Variants in KIF26B observed in about 807,000 individuals in gnomAD.
KIF26B encodes the protein kinesin-like protein KIF26B.
A neutral mutation model predicts 151.2 loss-of-function variants in KIF26B; 63 were observed. That is an observed-to-expected ratio of 0.42 (90% CI 0.34 to 0.51). KIF26B has a LOEUF of 0.51. Among genes scored for constraint, KIF26B ranks in the 20% least tolerant of loss-of-function variants. The pLI, the probability that KIF26B is intolerant of heterozygous loss-of-function variation, is 0.07. For missense variants in KIF26B, 2,813 were observed against 2,913.6 expected (o/e 0.97, Z 0.79); for synonymous variants, 1,357 against 1,262.1 (o/e 1.08, Z -1.59).
At chr1:245,639,786 G>T (rs1416721925) in intron 9 of KIF26B, among the ~76,000 whole-genome samples, 2 of 150,796 alleles carry the variant, frequency 1.3e-5, no homozygotes, top group African/African-American at 4.9e-5. Flanking sequence ...AACATTTCTT[G>T]TTATTTATAG....
intron 2 of KIF26B, among the ~76,000 whole-genome samples, chr1:245,325,643 A>G (rs1334712779): frequency 6.6e-6 from 1 of 152,030 alleles, no homozygotes; most frequent in East Asian, 1.9e-4. Flanking sequence ...CCCAGGAGGC[A>G]GAGGTTGCGG....
chr1:245,301,481 T>G (rs1359227763), intron 2 of KIF26B, among the ~76,000 whole-genome samples: 1 of 152,152 alleles, frequency 6.6e-6, no homozygotes, highest in African/African-American at 2.4e-5. Flanking sequence ...AGCCCGGCAG[T>G]GCATGAAAGT....
chr1:245,238,679 G>A (rs1256500700), intron 2 of KIF26B, among the ~76,000 whole-genome samples: 1 of 152,032 alleles, frequency 6.6e-6, no homozygotes, highest in Admixed American at 6.6e-5. Context: ...TGCCCAACAT[G>A]GCAAAACCCC....
At chr1:245,213,934 C>T (rs112983403) in intron 2 of KIF26B, among the ~76,000 whole-genome samples, 47 of 152,292 alleles carry the variant, frequency 3.1e-4, no homozygotes, top group African/African-American at 1.1e-3. Context: ...CTGTCCACAC[C>T]CCTTCCCATG....
intron 4 of KIF26B, among the ~76,000 whole-genome samples, chr1:245,484,208 T>A (rs902208608): frequency 2.0e-5 from 3 of 152,028 alleles, no homozygotes; most frequent in African/African-American, 2.4e-5. Flanking sequence ...GTGTTAATAA[T>A]GCTGGGTTAC....
rs140997802 is a variant in KIF26B, at chr1:245,527,351, C to A, written c.1167-13416C>A. On this transcript the variant is annotated intron_variant, in intron 4 of 14. Transcript: ENST00000407071. Reference sequence around the variant, plus strand: ...CCATGAGGAATGGACTTTAATTAGCCGGTGATTGTCTTTCTCTGTCTATAT... The same window carrying A: ...CCATGAGGAATGGACTTTAATTAGCAGGTGATTGTCTTTCTCTGTCTATAT... Among the ~76,000 whole-genome samples, 3 of 152,006 alleles carry A rather than the reference C, an allele frequency of 2.0e-5. No individual in the cohort carries two copies. In the South Asian group the frequency reaches 6.3e-4, roughly 32 times the overall value.
chr1:245,540,437 C>T lies in KIF26B; in HGVS notation c.1167-330C>T, dbSNP rs111495400. 585 of 529,232 alleles carry T rather than the reference C, an allele frequency of 1.1e-3. 3 individuals are homozygous for T. Among genetic ancestry groups the T allele is most frequent in the African/African-American group, 9.8e-3 (521 of 53,260 alleles). The allele number at this position is 529,232 out of a possible 1,614,324, so 32.8% of individuals were successfully genotyped here. ...GCCAGAGAAGTTGTGGAGTGATGAA[C>T]TTAATGGGTGCCCTTATCCCCAAAG... On this transcript the variant is annotated intron_variant, in intron 4 of 14. Coordinates refer to ENST00000407071, the MANE Select transcript of KIF26B (RefSeq NM_018012.4). The surrounding 1 kb of genome is among the most constrained non-coding windows in gnomAD (Gnocchi z 4.6).
At chr1:245,347,263 C>G (rs1434771096) in intron 2 of KIF26B, among the ~76,000 whole-genome samples, 1 of 152,164 alleles carries the variant, frequency 6.6e-6, no homozygotes, top group Non-Finnish European at 1.5e-5. Flanking sequence ...ATAAATTTCT[C>G]TTAACCTCAC....
At chr1:245,446,539 A>C (rs1220815750) in intron 4 of KIF26B, among the ~76,000 whole-genome samples, 1 of 152,206 alleles carries the variant, frequency 6.6e-6, no homozygotes, top group Non-Finnish European at 1.5e-5. Context: ...ATCGTGTCTG[A>C]GGGCCCAGGC....
chr1:245,211,885 A>T (rs1669541431), intron 2 of KIF26B, among the ~76,000 whole-genome samples: 1 of 152,204 alleles, frequency 6.6e-6, no homozygotes, highest in Admixed American at 6.5e-5. Flanking sequence ...ACCGCACCGT[A>T]TCAAATGCTT....
chr1:245,389,047 A>G (rs1673623039), intron 3 of KIF26B, among the ~76,000 whole-genome samples: 1 of 152,156 alleles, frequency 6.6e-6, no homozygotes, highest in Non-Finnish European at 1.5e-5. Context: ...TTGCCAGGAA[A>G]GTTCCGTTTT....
chr1:245,212,194 G>A (rs1333649556), intron 2 of KIF26B, among the ~76,000 whole-genome samples: 2 of 152,316 alleles, frequency 1.3e-5, no homozygotes, highest in Middle Eastern at 3.4e-3. Context: ...CTCCGTCTTA[G>A]AAGCAATTTC....
intron 9 of KIF26B, among the ~76,000 whole-genome samples, chr1:245,621,026 T>C (rs2043653248): frequency 6.6e-6 from 1 of 152,106 alleles, no homozygotes; most frequent in African/African-American, 2.4e-5. Context: ...GGTAAGGCAG[T>C]GGCTCCCAAA....
chr1:245,358,883 C>T lies in KIF26B; in HGVS notation c.466-7951C>T, dbSNP rs550052486. 3.9e-5 allele frequency among the ~76,000 whole-genome samples: 6 copies of T among 152,274 alleles called. No homozygotes were observed. Among genetic ancestry groups the T allele is most frequent in the South Asian group, 2.1e-4 (1 of 4,818 alleles). Reference sequence around the variant, plus strand: ...AAAGTTAAGGGAAACATTTTAAGTACGTAGTAGGAATCTACTTTCCCATCT... The same window carrying T: ...AAAGTTAAGGGAAACATTTTAAGTATGTAGTAGGAATCTACTTTCCCATCT... On this transcript the variant is annotated intron_variant, in intron 2 of 14. Transcript: ENST00000407071. This position sits in a 1 kb window ranked among gnomAD's most constrained non-coding sequence, Gnocchi z 4.1.
Position 245,313,925 on chromosome 1 carries a change from C to G in KIF26B, c.466-52909C>G, listed in dbSNP as rs565413093. On this transcript the variant is annotated intron_variant, in intron 2 of 14. Coordinates refer to ENST00000407071, the MANE Select transcript of KIF26B (RefSeq NM_018012.4). ...AGTCTCTTCTTTCATGGCACCCCTC[C>G]TGTCATCTGGGTTTGTGAAGCTCCT... Among the ~76,000 whole-genome samples the G allele has an allele frequency of 3.3e-5, 5 of 152,318 alleles. No homozygotes were observed. The South Asian group carries it at 1.0e-3, about 32-fold the overall frequency.
At chr1:245,680,018 T>C (rs1285333286) in intron 10 of KIF26B, among the ~76,000 whole-genome samples, 2 of 152,164 alleles carry the variant, frequency 1.3e-5, no homozygotes, top group African/African-American at 4.8e-5. Context: ...CCAGCGGCCC[T>C]GCACGCTTCT....
chr1:245,414,389 C>T (rs1455793769), intron 3 of KIF26B, among the ~76,000 whole-genome samples: 2 of 152,188 alleles, frequency 1.3e-5, no homozygotes, highest in Non-Finnish European at 2.9e-5. Context: ...GGAAGCCACT[C>T]CTGAGAACCG....
chr1:245,316,933 C>T (rs186194054), intron 2 of KIF26B, among the ~76,000 whole-genome samples: 103 of 149,882 alleles, frequency 6.9e-4, no homozygotes, highest in Non-Finnish European at 1.3e-3. Context: ...CTGTCCAGCC[C>T]GGGTGGAGGG....
At position 245,702,754 on chromosome 1, in the gene KIF26B, CGAGTTTTCTTTTGTTTTCTGTAG is replaced by C; in HGVS notation, c.*151_*173del. 2 of 859,504 alleles carry C rather than the reference CGAGTTTTCTTTTGTTTTCTGTAG, an allele frequency of 2.3e-6. No individual in the cohort carries two copies. Among genetic ancestry groups the C allele is most frequent in the Non-Finnish European group, 3.4e-6 (2 of 586,720 alleles). 53.2% of individuals were successfully genotyped at this position (859,504 alleles called of 1,614,324 possible). A position where few individuals can be genotyped will look rare whatever the true frequency, so the allele number is the denominator to read the frequency against. ...TCTGGAGCGGGCGTTGAGCGGAAGG[CGAGTTTTCTTTTGTTTTCTGTAG>C]GAAAGGTGCAAACGTCAAACACCGT... is the stretch of plus-strand genomic sequence containing the variant. On this transcript the variant is annotated 3_prime_UTR_variant, in exon 15 of 15. Transcript: ENST00000407071. This position sits in a 1 kb window ranked among gnomAD's most constrained non-coding sequence, Gnocchi z 4.1.
Sources: allele counts gnomAD v4.1 joint callset (sites outside exome capture counted in the v4.1 genomes callset), GRCh38; gene constraint gnomAD v4.1.1; non-coding constraint Gnocchi (gnomAD v3.1); transcripts MANE v1.5; gene names NCBI Gene and HGNC (gene_info 2026-07-23, HGNC 2026-07-21).